The following LAMC3 variants were observed in gnomAD, a reference collection of about 807,000 sequenced individuals.
LAMC3 encodes the protein laminin subunit gamma 3.
In LAMC3, 128 loss-of-function variants were observed where a neutral mutation model predicts 173.8. The ratio of observed to expected loss-of-function variants is 0.74; its 90% CI spans 0.64 to 0.85. The LOEUF (loss-of-function observed/expected upper bound fraction) is 0.85. Ranked by LOEUF, LAMC3 falls within the 40% of genes least tolerant of loss-of-function variation. The probability of loss-of-function intolerance (pLI) is 0.00; values close to 1 mark genes in which losing one functional copy is unlikely to be tolerated. For missense variants in LAMC3, 2,022 were observed against 2,156.0 expected, an observed-to-expected ratio of 0.94 and a Z score of 1.23; for synonymous variants, 897 against 909.1, an observed-to-expected ratio of 0.99 and a Z score of 0.24.
At position 131,009,804 on chromosome 9, in the gene LAMC3, C is replaced by T. The variant is rs976132862; in HGVS notation, c.373+217C>T. ...GGCCGAGATGGGAGGGTCGCTTGAG[C>T]CCAGGAGTTCAAGATCAGCCTGGGC... is the stretch of plus-strand genomic sequence containing the variant. On this transcript the variant is annotated intron_variant, in intron 1 of 27. Transcript: ENST00000361069. This position sits in a 1 kb window ranked among gnomAD's most constrained non-coding sequence, Gnocchi z 4.3. 1.3e-5 allele frequency among the ~76,000 whole-genome samples: 2 copies of T among 151,630 alleles called. No individual in the cohort carries two copies. The highest frequency in any genetic ancestry group is 2.9e-5 in the Non-Finnish European group (2 of 67,890).
intron 25 of LAMC3, among the ~76,000 whole-genome samples, chr9:131,086,762 C>T (rs1301257855): frequency 1.3e-5 from 2 of 151,710 alleles, no homozygotes; most frequent in East Asian, 1.9e-4. Context: ...TGGTGGCTCG[C>T]ACCTGTAGTC....
At chr9:131,056,845 A>G (rs1834416286) in intron 11 of LAMC3, 84 bp from the exon 12 acceptor site, 2 of 1,023,178 alleles carry the variant, frequency 2.0e-6, no homozygotes, top group South Asian at 1.3e-5. Context: ...GGCCTGGTCC[A>G]TATGTGAACA....
intron 3 of LAMC3, among the ~76,000 whole-genome samples, chr9:131,032,812 G>A (rs1007510529): frequency 2.0e-5 from 3 of 152,194 alleles, no homozygotes; most frequent in South Asian, 2.1e-4. Flanking sequence ...GGGATTACAG[G>A]CATGCGCCAC....
intron 3 of LAMC3, among the ~76,000 whole-genome samples, chr9:131,033,814 G>C (rs1049002863): frequency 6.6e-6 from 1 of 152,096 alleles, no homozygotes; most frequent in Admixed American, 6.5e-5. Context: ...CATGGGAGTG[G>C]GGAGCGGGGA....
intron 27 of LAMC3, among the ~76,000 whole-genome samples, chr9:131,090,846 G>A (rs553621069): frequency 9.0e-4 from 133 of 147,932 alleles, no homozygotes; most frequent in Admixed American, 3.1e-3. Context: ...GGCCAACGTG[G>A]TGAAACCCTG....
At chr9:131,080,982 A>G (rs1476318327) in intron 23 of LAMC3, among the ~76,000 whole-genome samples, 4 of 152,214 alleles carry the variant, frequency 2.6e-5, no homozygotes, top group Non-Finnish European at 5.9e-5. Context: ...TCACGATGTT[A>G]TGCCACCTCC....
chr9:131,046,819 C>T (rs1834171970), intron 8 of LAMC3, among the ~76,000 whole-genome samples: 1 of 152,116 alleles, frequency 6.6e-6, no homozygotes, highest in Non-Finnish European at 1.5e-5. Context: ...GCACCTTCCG[C>T]CTGTCCCCAG....
At chr9:131,072,442 TG>T (rs1830051078) in intron 18 of LAMC3, among the ~76,000 whole-genome samples, 187 bp from the exon 19 acceptor site, 1 of 152,134 alleles carries the variant, frequency 6.6e-6, no homozygotes, top group South Asian at 2.1e-4. Flanking sequence ...CCTCGGGTCA[TG>T]TTTGCCTTCT....
intron 15 of LAMC3, 45 bp from the exon 16 acceptor site, chr9:131,068,862 AG>A: frequency 1.2e-6 from 2 of 1,609,874 alleles, no homozygotes; most frequent in Non-Finnish European, 1.7e-6. Flanking sequence ...CTGGGCCAGG[AG>A]TGGCCCTGAG....
chr9:131,040,199 A>G (rs1834023856), intron 6 of LAMC3, among the ~76,000 whole-genome samples: 1 of 150,298 alleles, frequency 6.7e-6, no homozygotes, highest in African/African-American at 2.5e-5. Flanking sequence ...TTTTTTTAAG[A>G]TGGAGTCCTC....
intron 13 of LAMC3, among the ~76,000 whole-genome samples, chr9:131,063,230 T>C (rs1353155189): frequency 6.6e-6 from 1 of 152,192 alleles, no homozygotes; most frequent in Non-Finnish European, 1.5e-5. Context: ...GAGATTGCAC[T>C]GCGGGACCCT....
intron 23 of LAMC3, among the ~76,000 whole-genome samples, chr9:131,079,667 C>G (rs1270963740): frequency 1.3e-5 from 2 of 152,024 alleles, no homozygotes; most frequent in Non-Finnish European, 2.9e-5. Context: ...GCACTCCAGT[C>G]TGGCAACAGA....
At chr9:131,017,491 G>A (rs888067566) in intron 1 of LAMC3, among the ~76,000 whole-genome samples, 4 of 151,942 alleles carry the variant, frequency 2.6e-5, no homozygotes, top group African/African-American at 4.8e-5. Context: ...TTGGGAGGCC[G>A]AGGCCGGCGG....
intron 3 of LAMC3, among the ~76,000 whole-genome samples, chr9:131,032,583 GCTCTCTTTCTCACTCGCTTT>G (rs1277897190): frequency 1.7e-5 from 1 of 57,256 alleles, no homozygotes; most frequent in Non-Finnish European, 4.4e-5. Flanking sequence ...TCTCTCGCTT[GCTCTCTTTCTCACTCGCTTT>G]CTCTCTCTCT....
At chr9:131,050,625 A>G (rs1380400052) in intron 9 of LAMC3, among the ~76,000 whole-genome samples, 1 of 152,110 alleles carries the variant, frequency 6.6e-6, no homozygotes, top group Admixed American at 6.6e-5. Flanking sequence ...AAAGTTAGCC[A>G]GACGTGGTGG....
intron 1 of LAMC3, among the ~76,000 whole-genome samples, chr9:131,023,390 C>G (rs1003222108): frequency 1.3e-5 from 2 of 152,170 alleles, no homozygotes; most frequent in Non-Finnish European, 2.9e-5. Context: ...TTTTACATTC[C>G]CATCAGCAGT....
At position 131,091,690 on chromosome 9, in the gene LAMC3, A is replaced by T. The variant is rs531045496; in HGVS notation, c.4631A>T (p.Gln1544Leu). 1 of 1,610,954 alleles carries T rather than the reference A, an allele frequency of 6.2e-7. No individual in the cohort carries two copies. Among genetic ancestry groups the T allele is most frequent in the African/African-American group, 1.3e-5 (1 of 75,034 alleles). ...TCCCAGCAGCAGGAGCTGCAGATCC[A>T]GGGCTTCGAGAGTGACCTCGCCGAG... ...QESQQQELQIQGFESDLAEIR... is the reference protein window; with the variant it reads ...QESQQQELQILGFESDLAEIR... The change falls in exon 28 of 28, where the codon CAG becomes CTG. Residue 1544 changes from glutamine to leucine, a missense_variant. By Grantham distance (113) the Gln-to-Leu change is moderately radical. Transcript: ENST00000361069.
rs1829945239 is a variant in LAMC3, at chr9:131,066,943, G to A, written c.2348-17G>A. 5.0e-6 allele frequency: 8 copies of A among 1,612,680 alleles called. No individual in the cohort carries two copies. The highest frequency in any genetic ancestry group is 5.9e-6 in the Non-Finnish European group (7 of 1,179,700). On this transcript the variant is annotated splice_polypyrimidine_tract_variant and intron_variant, in intron 13 of 27. Transcript: ENST00000361069. ...CCAGCCAGCTGTGTTCCCCACACGT[G>A]CTCCCTCTACACACAGGGCGGCGCT...
intron 1 of LAMC3, among the ~76,000 whole-genome samples, chr9:131,016,146 C>CA (rs1392865827): frequency 1.3e-5 from 2 of 152,112 alleles, no homozygotes; most frequent in African/African-American, 4.8e-5. Context: ...AGAAGCCAGC[C>CA]AAAAAAGAAC....
Sources: allele counts gnomAD v4.1 joint callset (sites outside exome capture counted in the v4.1 genomes callset), GRCh38; gene constraint gnomAD v4.1.1; non-coding constraint Gnocchi (gnomAD v3.1); transcripts MANE v1.5; gene names NCBI Gene and HGNC (gene_info 2026-07-23, HGNC 2026-07-21).